The following YTHDC2 variants were observed in gnomAD, a reference collection of about 807,000 sequenced individuals.
YTHDC2 encodes YTH N6-methyladenosine RNA binding protein C2.
Under a neutral mutation model 174.9 loss-of-function variants are expected in YTHDC2, and 45 were observed. That is an observed-to-expected ratio of 0.26 (90% CI 0.20 to 0.33). The LOEUF is 0.33. Among genes scored for constraint, YTHDC2 ranks in the 10% least tolerant of loss-of-function variants. The pLI is 1.00. For missense variants in YTHDC2, 1,650 were observed against 1,723.7 expected, an observed-to-expected ratio of 0.96 and a Z score of 0.76; for synonymous variants, 657 against 574.5, an observed-to-expected ratio of 1.14 and a Z score of -2.05.
intron 12 of YTHDC2, among the ~76,000 whole-genome samples, chr5:113,550,513 C>T (rs942571595): frequency 6.6e-6 from 1 of 152,018 alleles, no homozygotes; most frequent in Non-Finnish European, 1.5e-5. Context: ...GAAGATTTAA[C>T]AAAAATTGTA....
intron 26 of YTHDC2, among the ~76,000 whole-genome samples, chr5:113,590,230 T>A (rs1397748655): frequency 6.6e-6 from 1 of 152,254 alleles, no homozygotes; most frequent in African/African-American, 2.4e-5. Flanking sequence ...ATGCACAGTT[T>A]AGTTGCAATC....
At chr5:113,524,888 G>T in intron 2 of YTHDC2, 93 bp from the exon 3 acceptor site, 1 of 940,660 alleles carries the variant, frequency 1.1e-6, no homozygotes, top group Admixed American at 4.0e-5. Flanking sequence ...TTTTTTCAGT[G>T]TTTTGCTTGA....
intron 2 of YTHDC2, among the ~76,000 whole-genome samples, chr5:113,519,785 A>G (rs1021244312): frequency 6.6e-6 from 1 of 152,236 alleles, no homozygotes; most frequent in African/African-American, 2.4e-5. Context: ...GGTTTTTTAA[A>G]AAATTCATTA....
At chr5:113,556,698 T>C (rs1051512926) in intron 17 of YTHDC2, among the ~76,000 whole-genome samples, 3 of 152,222 alleles carry the variant, frequency 2.0e-5, no homozygotes, top group Non-Finnish European at 4.4e-5. Flanking sequence ...ATTTTACTGA[T>C]GGGAGTATAG....
At chr5:113,538,886 A>G (rs1258525433) in intron 7 of YTHDC2, among the ~76,000 whole-genome samples, 188 bp from the exon 8 acceptor site, 1 of 152,188 alleles carries the variant, frequency 6.6e-6, no homozygotes, top group African/African-American at 2.4e-5. Flanking sequence ...ACCCAAGCAC[A>G]CAAACAGTTG....
At chr5:113,532,742 C>T (rs1774760139) in intron 4 of YTHDC2, 137 bp from the exon 5 acceptor site, 5 of 689,886 alleles carry the variant, frequency 7.2e-6, no homozygotes, top group South Asian at 2.7e-5. Flanking sequence ...TTACTAGTTA[C>T]ATGAATGTTG....
At chr5:113,556,954 A>G (rs763375561) in intron 17 of YTHDC2, among the ~76,000 whole-genome samples, 1 of 152,214 alleles carries the variant, frequency 6.6e-6, no homozygotes, top group Non-Finnish European at 1.5e-5. Context: ...TAGCTGTTAA[A>G]AGGAAAAATG....
chr5:113,566,815 G>C (rs1207342485), intron 21 of YTHDC2, among the ~76,000 whole-genome samples: 2 of 151,904 alleles, frequency 1.3e-5, no homozygotes, highest in African/African-American at 4.8e-5. Context: ...GAACTTTATT[G>C]CAAGAATGTG....
rs1036235737 is a variant in YTHDC2 at position 113,584,774 on chromosome 5, T to C, written c.3825+295T>C. On this transcript the variant is annotated intron_variant, in intron 26 of 29. Coordinates refer to ENST00000161863, the MANE Select transcript of YTHDC2 (RefSeq NM_022828.5). ...TTTCTTTCCTATTTCTTTCGAATCC[T>C]TTTTTTTTTTTTTTTTTTTTGAGGT... Among the ~76,000 whole-genome samples the C allele has an allele frequency of 2.0e-3, 57 of 28,994 alleles. No individual in the cohort carries two copies. The African/African-American group carries it at 0.046, about 23-fold the overall frequency. The allele number at this position is 28,994 out of a possible 152,430, so 19.0% of individuals were successfully genotyped here.
At chr5:113,564,924 C>T (rs1187098741) in intron 20 of YTHDC2, among the ~76,000 whole-genome samples, 1 of 152,148 alleles carries the variant, frequency 6.6e-6, no homozygotes, top group Admixed American at 6.5e-5. Context: ...AGCAGTTCTC[C>T]TGCCTCAGCC....
chr5:113,565,170 GA>G (rs1423390423), intron 20 of YTHDC2, among the ~76,000 whole-genome samples: 1 of 152,188 alleles, frequency 6.6e-6, no homozygotes, highest in East Asian at 1.9e-4. Context: ...TTCAGACACA[GA>G]AGATTTTTTC....
chr5:113,589,408 A>AATATATATATATATATAT (rs34243829), intron 26 of YTHDC2, among the ~76,000 whole-genome samples: 7 of 123,234 alleles, frequency 5.7e-5, no homozygotes, highest in African/African-American at 1.7e-4. Context: ...AAAAAAAAAA[A>AATATATATATATATATAT]ATATATATAT....
chr5:113,538,629 A>C (rs1775244070), intron 7 of YTHDC2, among the ~76,000 whole-genome samples: 1 of 132,934 alleles, frequency 7.5e-6, no homozygotes, highest in Non-Finnish European at 1.5e-5. Context: ...TAGTGAGGAT[A>C]CTTTCTTGAT....
At chr5:113,545,248 T>C (rs1490860418) in intron 10 of YTHDC2, among the ~76,000 whole-genome samples, 1 of 152,182 alleles carries the variant, frequency 6.6e-6, no homozygotes, top group Non-Finnish European at 1.5e-5. Context: ...ATCCTACACA[T>C]CTTCTAGTCT....
At chr5:113,545,334 TA>T (rs1205669294) in intron 10 of YTHDC2, among the ~76,000 whole-genome samples, 6 of 151,276 alleles carry the variant, frequency 4.0e-5, no homozygotes, top group Admixed American at 3.3e-4. Context: ...CCTATTGATT[TA>T]TTTTTTAAAG....
intron 17 of YTHDC2, 108 bp downstream of exon 17, chr5:113,556,242 C>A: frequency 1.9e-6 from 1 of 529,444 alleles, no homozygotes; most frequent in Non-Finnish European, 3.1e-6. Context: ...TAGTAGTTTT[C>A]ATGTTAAAAT....
At chr5:113,523,482 A>C (rs970892084) in intron 2 of YTHDC2, among the ~76,000 whole-genome samples, 1 of 152,122 alleles carries the variant, frequency 6.6e-6, no homozygotes, top group African/African-American at 2.4e-5. Flanking sequence ...TAGTTTCAGA[A>C]AGGTCCGTGG....
At chr5:113,564,370 ATATT>A (rs961537973) in intron 20 of YTHDC2, among the ~76,000 whole-genome samples, 4 of 152,064 alleles carry the variant, frequency 2.6e-5, no homozygotes, top group African/African-American at 9.7e-5. Flanking sequence ...ATTTGTATAT[ATATT>A]TATTTGTGTT....
At chr5:113,561,957 G>GGTGGGTGGGTGTGTGTGTGTGTGTGT (rs1347716150) in intron 18 of YTHDC2, among the ~76,000 whole-genome samples, 1 of 134,872 alleles carries the variant, frequency 7.4e-6, no homozygotes, top group Non-Finnish European at 1.6e-5. Flanking sequence ...ATTAATTGTG[G>GGTGGGTGGGTGTGTGTGTGTGTGTGT]GTGTGTGTGT....
Sources: gnomAD v4.1 joint callset for allele counts (sites outside exome capture counted in the v4.1 genomes callset) on GRCh38, gnomAD v4.1.1 for gene constraint, MANE v1.5 for transcripts, NCBI Gene and HGNC (gene_info 2026-07-23, HGNC 2026-07-21) for gene names.